Variants in GALK2 observed in about 807,000 individuals in gnomAD.
The protein encoded by GALK2 is N-acetylgalactosamine kinase.
GALK2 carries 36 observed loss-of-function variants against 52.4 expected under a neutral mutation model. The ratio of observed to expected loss-of-function variants is 0.69; its 90% CI spans 0.53 to 0.91. The LOEUF is 0.91. Among genes scored for constraint, GALK2 ranks in the 40% least tolerant of loss-of-function variants. The probability of loss-of-function intolerance (pLI) is 0.00; values close to 1 mark genes in which losing one functional copy is unlikely to be tolerated. For missense variants in GALK2, 579 were observed against 559.1 expected, an observed-to-expected ratio of 1.04 and a Z score of -0.36; for synonymous variants, 176 against 199.1, an observed-to-expected ratio of 0.88 and a Z score of 0.98.
intron 1 of GALK2, among the ~76,000 whole-genome samples, chr15:49,171,474 G>A (rs548428475): frequency 3.3e-5 from 5 of 152,232 alleles, no homozygotes; most frequent in East Asian, 3.9e-4. Flanking sequence ...TATTACCACC[G>A]TGTGTCAGTT....
At chr15:49,293,572 A>G (rs2034153380) in intron 8 of GALK2, among the ~76,000 whole-genome samples, 1 of 152,220 alleles carries the variant, frequency 6.6e-6, no homozygotes, top group African/African-American at 2.4e-5. Context: ...CAAAACCTAA[A>G]ATATTTACTA....
intron 3 of GALK2, among the ~76,000 whole-genome samples, chr15:49,361,123 C>G (rs1360820253): frequency 1.3e-5 from 2 of 152,128 alleles, no homozygotes; most frequent in African/African-American, 2.4e-5. Flanking sequence ...TTGATTCAGT[C>G]ATTCCACAAT....
intron 1 of GALK2, among the ~76,000 whole-genome samples, chr15:49,160,388 A>T (rs114794330): frequency 1.7e-3 from 259 of 152,322 alleles, no homozygotes; most frequent in African/African-American, 6.0e-3. Flanking sequence ...TAATGATATC[A>T]CTTTACAGTA....
intron 5 of GALK2, among the ~76,000 whole-genome samples, chr15:49,258,615 A>G (rs1386147776): frequency 1.3e-5 from 2 of 152,084 alleles, no homozygotes; most frequent in Admixed American, 6.6e-5. Flanking sequence ...GCAGAGAGTT[A>G]AAGTATGTAA....
intron 1 of GALK2, 70 bp from the exon 2 acceptor site, chr15:49,201,080 GTGTGTGTATGTA>G (rs996284406): frequency 1.5e-6 from 1 of 680,174 alleles, no homozygotes; most frequent in Non-Finnish European, 2.7e-6. Context: ...GTGTGTGTGT[GTGTGTGTATGTA>G]TGTGTGTGTA....
intron 7 of GALK2, among the ~76,000 whole-genome samples, chr15:49,290,821 T>C (rs994831411): frequency 1.3e-5 from 2 of 152,248 alleles, no homozygotes; most frequent in Non-Finnish European, 2.9e-5. Context: ...GTGATTTTAA[T>C]TCATGTGGGT....
chr15:49,285,111 C>G (rs1467627944), intron 7 of GALK2, among the ~76,000 whole-genome samples: 1 of 152,176 alleles, frequency 6.6e-6, no homozygotes, highest in Non-Finnish European at 1.5e-5. Context: ...AATCTCACTT[C>G]TGCGTTCTCC....
upstream of GALK2, among the ~76,000 whole-genome samples, chr15:49,165,904 G>A (rs1435491002): frequency 6.6e-6 from 1 of 150,904 alleles, no homozygotes; most frequent in Non-Finnish European, 1.5e-5. Flanking sequence ...CCAGGTTCAC[G>A]CCATTCTCCT....
intron 5 of GALK2, among the ~76,000 whole-genome samples, chr15:49,279,019 C>G (rs2032308363): frequency 6.6e-6 from 1 of 152,208 alleles, no homozygotes; most frequent in Non-Finnish European, 1.5e-5. Context: ...TCCCGAGACT[C>G]ACTCACTATC....
At chr15:49,198,599 C>T (rs1412926673) in intron 1 of GALK2, among the ~76,000 whole-genome samples, 1 of 152,040 alleles carries the variant, frequency 6.6e-6, no homozygotes, top group East Asian at 1.9e-4. Context: ...TGTACTATAA[C>T]TTAAAAAAAA....
chr15:49,255,549 G>A (rs1226649906), intron 5 of GALK2, among the ~76,000 whole-genome samples: 1 of 120,630 alleles, frequency 8.3e-6, no homozygotes, highest in African/African-American at 2.8e-5. Context: ...AAGGTTTTTT[G>A]CCCCAAGAAT....
Position 49,329,743 on chromosome 15 carries a change from G to A in GALK2, c.*1584G>A, listed in dbSNP as rs961270162. 17 of 970,832 alleles carry A rather than the reference G, an allele frequency of 1.8e-5. No individual in the cohort carries two copies. The highest frequency in any genetic ancestry group is 1.4e-4 in the South Asian group (3 of 20,954). 60.1% of individuals were successfully genotyped at this position (970,832 alleles called of 1,614,324 possible). On this transcript the variant is annotated 3_prime_UTR_variant, in exon 10 of 10. Coordinates refer to ENST00000560031, the MANE Select transcript of GALK2 (RefSeq NM_002044.4). The stretch of plus-strand genomic sequence containing the variant: ...TTATAATCCTTTATTTTTTAATACC[G>A]TGCCATTTTCCACAAAGGATTTGTG...
rs2038106642 is a variant in GALK2, at chr15:49,329,178, G to A, written c.*1019G>A. 1 of 986,858 alleles carries A rather than the reference G, an allele frequency of 1.0e-6. No individual in the cohort carries two copies. The highest frequency in any genetic ancestry group is 1.2e-6 in the Non-Finnish European group (1 of 830,948). 61.1% of individuals were successfully genotyped at this position (986,858 alleles called of 1,614,324 possible). On this transcript the variant is annotated 3_prime_UTR_variant, in exon 10 of 10. Transcript: ENST00000560031. Reference sequence around the variant, plus strand: ...GGTATGCAGGTATGTGGGTGAAAGTGACTATGAAAAGACTTAATGAATTCT... The same window carrying A: ...GGTATGCAGGTATGTGGGTGAAAGTAACTATGAAAAGACTTAATGAATTCT...
chr15:49,198,807 A>AT (rs986342945), intron 1 of GALK2: 17 of 134,320 alleles, frequency 1.3e-4, no homozygotes, highest in African/African-American at 4.5e-4. Context: ...ATTTTACTCA[A>AT]TTTTCCCTTC....
intron 9 of GALK2, among the ~76,000 whole-genome samples, chr15:49,323,950 G>A (rs140929484): frequency 3.9e-4 from 60 of 152,296 alleles, no homozygotes; most frequent in African/African-American, 1.4e-3. Context: ...GAATTATAAA[G>A]TATCTTTTGT....
intron 1 of GALK2, among the ~76,000 whole-genome samples, chr15:49,194,776 C>T (rs1488997949): frequency 6.6e-6 from 1 of 150,914 alleles, no homozygotes; most frequent in Non-Finnish European, 1.5e-5. Context: ...TGTATTTATA[C>T]TAGATACAGG....
intron 5 of GALK2, among the ~76,000 whole-genome samples, chr15:49,278,734 T>C (rs1241599394): frequency 6.6e-6 from 1 of 152,220 alleles, no homozygotes; most frequent in Non-Finnish European, 1.5e-5. Context: ...TCTCAGCTAA[T>C]AAACCCACTC....
chr15:49,290,948 G>GT (rs754319384), intron 7 of GALK2, among the ~76,000 whole-genome samples: 7 of 151,924 alleles, frequency 4.6e-5, no homozygotes, highest in Non-Finnish European at 7.4e-5. Context: ...GAGTTACTTT[G>GT]TTTTTTTGTT....
rs533500367 is a variant in GALK2 at position 49,188,497 on chromosome 15, TG to T, written c.54-12660del. Among the ~76,000 whole-genome samples the T allele has an allele frequency of 6.6e-5, 10 of 152,346 alleles. No individual in the cohort carries two copies. In the South Asian group the frequency reaches 2.1e-3, roughly 32 times the overall value. ...CATGCTACATGGCCACCACCATTGCTGGGGGTTAAGAGAGTGGTGGTGTCAA... is the reference window on the plus strand; with the variant it reads ...CATGCTACATGGCCACCACCATTGCTGGGGTTAAGAGAGTGGTGGTGTCAA... On this transcript the variant is annotated intron_variant, in intron 1 of 9. Transcript: ENST00000560031.
Sources: allele counts gnomAD v4.1 joint callset (sites outside exome capture counted in the v4.1 genomes callset), GRCh38; gene constraint gnomAD v4.1.1; transcripts MANE v1.5; gene names NCBI Gene and HGNC (gene_info 2026-07-23, HGNC 2026-07-21).